Variants in GAS2 observed in about 807,000 individuals in gnomAD.
GAS2 encodes growth arrest-specific protein 2.
Under a neutral mutation model 37.5 loss-of-function variants are expected in GAS2, and 20 were observed. That is an observed-to-expected ratio of 0.53 (90% confidence interval 0.37 to 0.77). The LOEUF (loss-of-function observed/expected upper bound fraction) is 0.77. GAS2 is among the 30% of genes least tolerant of loss of function. GAS2 has a pLI of 0.00. For missense variants in GAS2, 336 were observed against 373.4 expected, an observed-to-expected ratio of 0.90 and a Z score of 0.82; for synonymous variants, 144 against 132.2, an observed-to-expected ratio of 1.09 and a Z score of -0.61.
intron 7 of GAS2, among the ~76,000 whole-genome samples, chr11:22,768,649 C>T (rs191271522): frequency 1.4e-4 from 22 of 152,222 alleles, no homozygotes; most frequent in Admixed American, 1.4e-3. Context: ...GTTGTTGTTG[C>T]TAAACCAAAC....
Position 22,755,963 on chromosome 11 carries a change from TA to T in GAS2, c.723+11del, listed in dbSNP as rs1349988022. The stretch of plus-strand genomic sequence containing the variant: ...GATCCTCTTCATTAGGGTAAAGTTT[TA>T]CTTTTCACTTATCTTGTTTTTATGG... On this transcript the variant is annotated intron_variant, in intron 7 of 7. Coordinates refer to ENST00000454584, the MANE Select transcript of GAS2 (RefSeq NM_001143830.3). The T allele has an allele frequency of 6.5e-7, 1 of 1,549,242 alleles. No homozygotes were observed. The highest frequency in any genetic ancestry group is 1.1e-5 in the South Asian group (1 of 88,246).
At chr11:22,725,193 T>A (rs1161216624) in intron 3 of GAS2, among the ~76,000 whole-genome samples, 1 of 152,010 alleles carries the variant, frequency 6.6e-6, no homozygotes, top group Non-Finnish European at 1.5e-5. Context: ...TAACACTTGG[T>A]ATGGTTCCAA....
intron 3 of GAS2, among the ~76,000 whole-genome samples, chr11:22,716,430 A>T (rs1289054349): frequency 1.3e-5 from 2 of 152,132 alleles, no homozygotes; most frequent in East Asian, 3.9e-4. Flanking sequence ...ATTTGAGGCC[A>T]GGAGTTTGAG....
chr11:22,691,812 A>AT (rs954921301), intron 3 of GAS2, among the ~76,000 whole-genome samples: 14 of 152,086 alleles, frequency 9.2e-5, no homozygotes, highest in African/African-American at 3.4e-4. Flanking sequence ...AAATACACTA[A>AT]TTTTTTTATT....
Position 22,674,683 on chromosome 11 carries a change from G to A in GAS2, c.-20-167G>A, listed in dbSNP as rs1590608305. 1.2e-5 allele frequency: 5 copies of A among 401,894 alleles called. No individual in the cohort carries two copies. In the Admixed American group the frequency reaches 2.3e-4, roughly 18 times the overall value. 24.9% of individuals were successfully genotyped at this position (401,894 alleles called of 1,614,324 possible). On this transcript the variant is annotated intron_variant, in intron 1 of 7. Coordinates refer to ENST00000454584, the MANE Select transcript of GAS2 (RefSeq NM_001143830.3). ...TCCTACTAAGTGTTTGGCCAAAAGTGAGAGGGCCAGTACAGATAAAGCAAA... is the reference window on the plus strand; with the variant it reads ...TCCTACTAAGTGTTTGGCCAAAAGTAAGAGGGCCAGTACAGATAAAGCAAA...
intron 3 of GAS2, among the ~76,000 whole-genome samples, chr11:22,725,392 C>T (rs1471594542): frequency 6.6e-6 from 1 of 151,972 alleles, no homozygotes; most frequent in African/African-American, 2.4e-5. Flanking sequence ...ATCGCTATAT[C>T]CTGTGGTTTA....
chr11:22,637,142 C>T (rs142082250), intron 1 of GAS2, among the ~76,000 whole-genome samples: 5,452 of 101,072 alleles, frequency 0.054, 953 homozygotes, highest in East Asian at 0.12. Context: ...AATATTATAT[C>T]AATATATTAC....
chr11:22,764,728 T>C (rs2134390785), intron 7 of GAS2, among the ~76,000 whole-genome samples: 1 of 152,332 alleles, frequency 6.6e-6, no homozygotes, highest in Middle Eastern at 3.4e-3. Flanking sequence ...GCTCATTTCT[T>C]CTTCCACTGA....
upstream of GAS2, among the ~76,000 whole-genome samples, chr11:22,666,226 G>T (rs1848983209): frequency 6.6e-6 from 1 of 152,214 alleles, no homozygotes; most frequent in South Asian, 2.1e-4. Context: ...AGCAAAAACA[G>T]CCGTGAGTAC....
chr11:22,715,987 C>G (rs403551), intron 3 of GAS2, among the ~76,000 whole-genome samples: 136,234 of 152,190 alleles, frequency 0.9, 62,729 homozygotes, highest in East Asian at 1. Flanking sequence ...ATATCCAAAA[C>G]ATAATCCGCC....
chr11:22,642,934 C>G (rs1055911833), intron 1 of GAS2, among the ~76,000 whole-genome samples: 1 of 152,164 alleles, frequency 6.6e-6, no homozygotes, highest in African/African-American at 2.4e-5. Flanking sequence ...ATTTTGTTCT[C>G]TTACTCTTGA....
chr11:22,657,401 G>A (rs996737948), intron 1 of GAS2, among the ~76,000 whole-genome samples: 1 of 152,112 alleles, frequency 6.6e-6, no homozygotes, highest in African/African-American at 2.4e-5. Context: ...TAGAGCAGAG[G>A]GTCTCTCCCT....
At chr11:22,689,707 C>T (rs907318742) in intron 3 of GAS2, among the ~76,000 whole-genome samples, 2 of 152,148 alleles carry the variant, frequency 1.3e-5, no homozygotes, top group African/African-American at 4.8e-5. Flanking sequence ...ATAATGGATT[C>T]ACTACAACCC....
At chr11:22,785,415 T>A (rs1187280547) in intron 7 of GAS2, among the ~76,000 whole-genome samples, 2 of 152,166 alleles carry the variant, frequency 1.3e-5, no homozygotes, top group East Asian at 3.8e-4. Flanking sequence ...TGACACATTC[T>A]TACTGTATCA....
intron 2 of GAS2, among the ~76,000 whole-genome samples, chr11:22,676,260 G>A (rs900975501): frequency 5.9e-5 from 9 of 152,078 alleles, no homozygotes; most frequent in Middle Eastern, 3.2e-3. Flanking sequence ...CATTCAGAGT[G>A]CCTTTTATCT....
chr11:22,703,528 A>G (rs1850950975), intron 3 of GAS2, among the ~76,000 whole-genome samples: 1 of 152,192 alleles, frequency 6.6e-6, no homozygotes, highest in Admixed American at 6.6e-5. Flanking sequence ...CATAGATTTT[A>G]TATTAAGAAC....
At chr11:22,770,002 A>C (rs545573420) in intron 7 of GAS2, among the ~76,000 whole-genome samples, 57 of 152,216 alleles carry the variant, frequency 3.7e-4, no homozygotes, top group Non-Finnish European at 6.8e-4. Context: ...TTGCAGGGAC[A>C]TGGATGAAAC....
chr11:22,753,463 G>A (rs1853855704), intron 6 of GAS2, among the ~76,000 whole-genome samples: 1 of 152,082 alleles, frequency 6.6e-6, no homozygotes, highest in Non-Finnish European at 1.5e-5. Flanking sequence ...TTTTGTCTAA[G>A]AAGACTGCAA....
At chr11:22,711,877 A>C (rs541010898) in intron 3 of GAS2, among the ~76,000 whole-genome samples, 2 of 152,208 alleles carry the variant, frequency 1.3e-5, no homozygotes, top group African/African-American at 4.8e-5. Context: ...CTCAGCTCAA[A>C]CCCACCTAAC....
Sources: allele counts gnomAD v4.1 joint callset (sites outside exome capture counted in the v4.1 genomes callset), GRCh38; gene constraint gnomAD v4.1.1; transcripts MANE v1.5; gene names NCBI Gene and HGNC (gene_info 2026-07-23, HGNC 2026-07-21).